The following SYT9 variants were observed in gnomAD, a reference collection of about 807,000 sequenced individuals.
The protein encoded by SYT9 is synaptotagmin-9.
A neutral mutation model predicts 48.4 loss-of-function variants in SYT9; 22 were observed. That is an observed-to-expected ratio of 0.45 (90% CI 0.32 to 0.65). The LOEUF is 0.65. Ranked by LOEUF, SYT9 falls within the 30% of genes least tolerant of loss-of-function variation. SYT9 has a pLI of 0.03. For synonymous variants in SYT9, 265 were observed against 245.0 expected (o/e 1.08, Z -0.76); for missense variants, 577 against 622.0 (o/e 0.93, Z 0.77).
At chr11:7,303,970 C>G (rs1268523816) in intron 2 of SYT9, among the ~76,000 whole-genome samples, 1 of 152,226 alleles carries the variant, frequency 6.6e-6, no homozygotes, top group South Asian at 2.1e-4. Flanking sequence ...ACCTAGGTCA[C>G]TCTCTTTTCA....
At chr11:7,256,559 C>A (rs1847974759) in intron 1 of SYT9, among the ~76,000 whole-genome samples, 1 of 152,172 alleles carries the variant, frequency 6.6e-6, no homozygotes, top group Non-Finnish European at 1.5e-5. Flanking sequence ...ATCACATGTA[C>A]TGAAAACTGA....
At chr11:7,459,873 C>T (rs1848209325) in intron 6 of SYT9, among the ~76,000 whole-genome samples, 1 of 152,142 alleles carries the variant, frequency 6.6e-6, no homozygotes, top group Non-Finnish European at 1.5e-5. Context: ...GCAGGGAAGA[C>T]TTCTCCCCAA....
chr11:7,425,535 C>A (rs1590019732), intron 6 of SYT9, among the ~76,000 whole-genome samples: 1 of 152,070 alleles, frequency 6.6e-6, no homozygotes, highest in Admixed American at 6.6e-5. Context: ...CAGGGAAGAA[C>A]ACTGAGACAA....
intron 3 of SYT9, among the ~76,000 whole-genome samples, chr11:7,322,217 C>G (rs1849350098): frequency 6.6e-6 from 1 of 152,196 alleles, no homozygotes. Context: ...GCAAGAGATG[C>G]TCACCCACAA....
intron 6 of SYT9, among the ~76,000 whole-genome samples, chr11:7,442,081 A>C: frequency 6.6e-6 from 1 of 152,074 alleles, no homozygotes; most frequent in East Asian, 1.9e-4. Flanking sequence ...CGAAATCTGA[A>C]TCTCAAAGCT....
At chr11:7,339,625 G>A (rs1204908566) in intron 3 of SYT9, among the ~76,000 whole-genome samples, 1 of 152,140 alleles carries the variant, frequency 6.6e-6, no homozygotes, top group African/African-American at 2.4e-5. Context: ...TAGTTTGGTT[G>A]GATATGAAAT....
intron 3 of SYT9, among the ~76,000 whole-genome samples, chr11:7,378,008 A>T (rs568639059): frequency 6.6e-6 from 1 of 152,092 alleles, no homozygotes; most frequent in African/African-American, 2.4e-5. Flanking sequence ...TGGCAAATAT[A>T]TCAAATTCCA....
intron 6 of SYT9, among the ~76,000 whole-genome samples, chr11:7,422,368 C>T (rs188224646): frequency 3.2e-4 from 49 of 152,276 alleles, no homozygotes; most frequent in Non-Finnish European, 5.3e-4. Context: ...ATAGTTCTGC[C>T]CGTGGGCCAT....
At chr11:7,367,170 C>G (rs1239108462) in intron 3 of SYT9, among the ~76,000 whole-genome samples, 1 of 147,844 alleles carries the variant, frequency 6.8e-6, no homozygotes, top group Non-Finnish European at 1.5e-5. Flanking sequence ...CAAGCTCCGC[C>G]TCCCGGGTTC....
intron 1 of SYT9, among the ~76,000 whole-genome samples, chr11:7,271,437 G>T (rs894963050): frequency 6.6e-6 from 1 of 152,200 alleles, no homozygotes; most frequent in African/African-American, 2.4e-5. Context: ...GTACCAAGAT[G>T]TGTCCCAGGT....
chr11:7,415,291 C>T (rs1204558348), intron 3 of SYT9, among the ~76,000 whole-genome samples: 1 of 152,122 alleles, frequency 6.6e-6, no homozygotes, highest in Non-Finnish European at 1.5e-5. Context: ...CGCAGGGTGC[C>T]ACTCTCAGGC....
intron 1 of SYT9, among the ~76,000 whole-genome samples, chr11:7,267,535 G>A (rs1848207450): frequency 6.6e-6 from 1 of 151,504 alleles, no homozygotes; most frequent in Admixed American, 6.6e-5. Context: ...ATCAGAAATG[G>A]ACACTGAAAT....
chr11:7,394,412 T>C (rs10743019), intron 3 of SYT9, among the ~76,000 whole-genome samples: 121,484 of 152,014 alleles, frequency 0.8, 48,797 homozygotes, highest in East Asian at 0.88. Context: ...AATAGTGCCG[T>C]GATAAACATA....
chr11:7,279,114 A>T (rs993562432), intron 1 of SYT9, among the ~76,000 whole-genome samples: 1 of 152,186 alleles, frequency 6.6e-6, no homozygotes, highest in African/African-American at 2.4e-5. Flanking sequence ...GAGCTGGCCC[A>T]GTTCTCAACA....
chr11:7,239,581 A>C (rs2119710437), intron 1 of SYT9, among the ~76,000 whole-genome samples: 1 of 152,344 alleles, frequency 6.6e-6, no homozygotes, highest in African/African-American at 2.4e-5. Context: ...AGGTGGCTAC[A>C]TTAAAAAATA....
chr11:7,359,816 A>G (rs1278972724), intron 3 of SYT9, among the ~76,000 whole-genome samples: 1 of 150,834 alleles, frequency 6.6e-6, no homozygotes, highest in African/African-American at 2.4e-5. Flanking sequence ...GTTCACTCTG[A>G]TGGTAGTTTC....
chr11:7,403,222 T>G (rs10769788), intron 3 of SYT9, among the ~76,000 whole-genome samples: 61,943 of 151,932 alleles, frequency 0.41, 13,525 homozygotes, highest in African/African-American at 0.56. Context: ...CAAAATACTT[T>G]CTAGTTTTCC....
chr11:7,328,454 A>G (rs1189298744), intron 3 of SYT9, among the ~76,000 whole-genome samples: 1 of 152,196 alleles, frequency 6.6e-6, no homozygotes, highest in Non-Finnish European at 1.5e-5. Flanking sequence ...AGAAATTACA[A>G]TATGCGTTGT....
At chr11:7,251,099 GACACACACACACACAC>G (rs369736479), upstream of SYT9, among the ~76,000 whole-genome samples, 3 of 132,000 alleles carry the variant, frequency 2.3e-5, no homozygotes, top group Middle Eastern at 3.9e-3. Context: ...GTGGCACAGT[GACACACACACACACAC>G]ACACACACAC....
Sources: gnomAD v4.1 joint callset for allele counts (sites outside exome capture counted in the v4.1 genomes callset) on GRCh38, gnomAD v4.1.1 for gene constraint, MANE v1.5 for transcripts, NCBI Gene and HGNC (gene_info 2026-07-23, HGNC 2026-07-21) for gene names.